Variants in MED28 observed in about 807,000 individuals in gnomAD.
The protein encoded by MED28 is mediator of RNA polymerase II transcription subunit 28.
MED28 carries 26 observed loss-of-function variants against 21.3 expected under a neutral mutation model. That is an observed-to-expected ratio of 1.22 (90% CI 0.89 to 1.69). The LOEUF (loss-of-function observed/expected upper bound fraction) is 1.69. Among genes scored for constraint, MED28 ranks in the 40% most tolerant of loss-of-function variants. The probability of loss-of-function intolerance (pLI) is 0.00; values close to 1 mark genes in which losing one functional copy is unlikely to be tolerated. For synonymous variants in MED28, 110 were observed against 87.6 expected (o/e 1.26, Z -1.43); for missense variants, 257 against 215.4 (o/e 1.19, Z -1.21).
At position 17,616,121 on chromosome 4, in the gene MED28, A is replaced by G. The variant is rs1234592423; in HGVS notation, c.159+1308A>G. On this transcript the variant is annotated intron_variant, in intron 1 of 3. Transcript: ENST00000237380. ...GATTACAGGCACCTGCCACCATGCT[A>G]TTTTTTTTATTTTTTAGTAGAGACA... Among the ~76,000 whole-genome samples the G allele has an allele frequency of 2.6e-5, 4 of 151,492 alleles. No individual in the cohort carries two copies. In the East Asian group the frequency reaches 5.9e-4, roughly 22 times the overall value.
chr4:17,630,563 T>A lies in MED28; in HGVS notation c.*6765T>A, dbSNP rs756027784. On this transcript the variant is annotated 3_prime_UTR_variant, in exon 4 of 4. Coordinates refer to ENST00000237380, the MANE Select transcript of MED28 (RefSeq NM_025205.5). ...ACATATTTCTATTGTTTATAAATTA[T>A]CCAGTATAAGTAAGATATTTTGTTA... 7 of 152,210 alleles carry A rather than the reference T, an allele frequency of 4.6e-5. No individual in the cohort carries two copies. The highest frequency in any genetic ancestry group is 8.8e-5 in the Non-Finnish European group (6 of 68,048). The allele number at this position is 152,210 out of a possible 1,614,324, so 9.4% of individuals were successfully genotyped here.
intron 2 of MED28, among the ~76,000 whole-genome samples, chr4:17,621,119 A>G (rs562343968): frequency 6.7e-6 from 1 of 149,894 alleles, no homozygotes; most frequent in Admixed American, 6.7e-5. Context: ...GGTTCAAGCG[A>G]TCCTTCTGCC....
chr4:17,633,412 T>G lies in MED28; in HGVS notation c.*9614T>G. The G allele has an allele frequency of 3.4e-6, 1 of 297,770 alleles. No individual in the cohort carries two copies. Among genetic ancestry groups the G allele is most frequent in the Non-Finnish European group, 6.1e-6 (1 of 162,818 alleles). The allele number at this position is 297,770 out of a possible 1,614,324, so 18.4% of individuals were successfully genotyped here. A position where few individuals can be genotyped will look rare whatever the true frequency, so the allele number is the denominator to read the frequency against. On this transcript the variant is annotated 3_prime_UTR_variant, in exon 4 of 4. Transcript: ENST00000237380. ...TATTATCTTAATTTTAAAGGCAAGG[T>G]ATATGGAGACCTGGAGAGGTCAAGT...
chr4:17,620,354 G>GTT (rs34093588), intron 2 of MED28, among the ~76,000 whole-genome samples: 61,922 of 141,070 alleles, frequency 0.44, 14,713 homozygotes, highest in East Asian at 0.87. Flanking sequence ...TATTTTACAT[G>GTT]TTTTTTTTTT....
Position 17,621,598 on chromosome 4 carries a change from T to C in MED28, c.238T>C (p.Cys80Arg), listed in dbSNP as rs993747424. 1.3e-6 allele frequency: 2 copies of C among 1,594,148 alleles called. No homozygotes were observed. The highest frequency in any genetic ancestry group is 3.5e-5 in the Admixed American group (2 of 56,822). ...QEEIRTGVDQ[C>R]IQKFLDIARQ... The stretch of plus-strand genomic sequence containing the variant: ...CCTTTTTTTTTAAGGTGTTGATCAG[T>C]GTATCCAGAAGTTTCTGGATATTGC... The change falls in exon 3 of 4, where the codon TGT becomes CGT. Residue 80 changes from cysteine to arginine, a missense_variant. Transcript: ENST00000237380.
chr4:17,615,245 CTT>C (rs1714415312), intron 1 of MED28, among the ~76,000 whole-genome samples: 1 of 152,188 alleles, frequency 6.6e-6, no homozygotes, highest in Non-Finnish European at 1.5e-5. Flanking sequence ...CGGAAATTGA[CTT>C]AAGTTACCAG....
intron 1 of MED28, among the ~76,000 whole-genome samples, chr4:17,617,255 TTTCC>T (rs1237173530): frequency 6.6e-6 from 1 of 152,230 alleles, no homozygotes; most frequent in Non-Finnish European, 1.5e-5. Flanking sequence ...ACTTTTCCTG[TTTCC>T]TTCCTTGTGT....
Position 17,633,817 on chromosome 4 carries a change from A to C in MED28, c.*10019A>C, listed in dbSNP as rs1715038243. On this transcript the variant is annotated 3_prime_UTR_variant, in exon 4 of 4. Coordinates refer to ENST00000237380, the MANE Select transcript of MED28 (RefSeq NM_025205.5). The stretch of plus-strand genomic sequence containing the variant: ...TCCTGGAACTCAGATCGCCACTCAG[A>C]AAGTTCTTTGCATAGGAGGCGAGGT... The C allele has an allele frequency of 1.9e-6, 3 of 1,551,634 alleles. No individual in the cohort carries two copies. The highest frequency in any genetic ancestry group is 1.4e-5 in the African/African-American group (1 of 73,176).
chr4:17,633,629 C>T lies in MED28; in HGVS notation c.*9831C>T. 2 of 1,353,516 alleles carry T rather than the reference C, an allele frequency of 1.5e-6. No individual in the cohort carries two copies. The highest frequency in any genetic ancestry group is 2.8e-5 in the East Asian group (1 of 35,518). The allele number at this position is 1,353,516 out of a possible 1,614,324, so 83.8% of individuals were successfully genotyped here. A position where few individuals can be genotyped will look rare whatever the true frequency, so the allele number is the denominator to read the frequency against. ...GTACCAGGTGCTAGAAAGAATCCTA[C>T]TTCCCCTCTTATCTACAGGGAAATA... On this transcript the variant is annotated 3_prime_UTR_variant, in exon 4 of 4. Coordinates refer to ENST00000237380, the MANE Select transcript of MED28 (RefSeq NM_025205.5).
chr4:17,614,831 C>T lies in MED28; in HGVS notation c.159+18C>T, dbSNP rs1200925380. The T allele has an allele frequency of 3.2e-6, 5 of 1,581,712 alleles. No homozygotes were observed. Among genetic ancestry groups the T allele is most frequent in the South Asian group, 1.1e-5 (1 of 88,236 alleles). On this transcript the variant is annotated intron_variant, in intron 1 of 3. Coordinates refer to ENST00000237380, the MANE Select transcript of MED28 (RefSeq NM_025205.5). Reference sequence around the variant, plus strand: ...CTTTCGAGGTAATATAAGACATGGGCGTCTTTGTCCCTAGCCTTCCCTTTT... The same window carrying T: ...CTTTCGAGGTAATATAAGACATGGGTGTCTTTGTCCCTAGCCTTCCCTTTT...
At position 17,632,500 on chromosome 4, in the gene MED28, A is replaced by G. The variant is rs747344480; in HGVS notation, c.*8702A>G. On this transcript the variant is annotated 3_prime_UTR_variant, in exon 4 of 4. Transcript: ENST00000237380. ...GATGATTTAAAATAAATGTTTTTCA[A>G]GTATCCTCTGTGATGTATCCCAAAG... 1.9e-5 allele frequency: 28 copies of G among 1,456,430 alleles called. No homozygotes were observed. The highest frequency in any genetic ancestry group is 2.5e-5 in the South Asian group (2 of 79,588). 90.2% of individuals were successfully genotyped at this position (1,456,430 alleles called of 1,614,324 possible).
chr4:17,614,896 G>C (rs1306283785), intron 1 of MED28, 83 bp downstream of exon 1: 4 of 1,450,958 alleles, frequency 2.8e-6, no homozygotes, highest in African/African-American at 1.4e-5. Flanking sequence ...TCTCCTCCAG[G>C]GATCCGAGCA....
chr4:17,622,680 T>C (rs1175868625), intron 3 of MED28, among the ~76,000 whole-genome samples: 1 of 152,174 alleles, frequency 6.6e-6, no homozygotes, highest in Non-Finnish European at 1.5e-5. Context: ...CAGGATGGGA[T>C]AGAGTCTGTA....
Position 17,629,813 on chromosome 4 carries a change from GTGT to G in MED28, c.*6017_*6019del, listed in dbSNP as rs1176919549. Reference sequence around the variant, plus strand: ...ATCAAATTGTATTTCTTTGTCAATAGTGTTAGGGCACAGTAGGTTCATTTACTG... The same window carrying G: ...ATCAAATTGTATTTCTTTGTCAATAGTAGGGCACAGTAGGTTCATTTACTG... On this transcript the variant is annotated 3_prime_UTR_variant, in exon 4 of 4. Transcript: ENST00000237380. 6.6e-6 allele frequency: 1 copy of G among 152,188 alleles called. No individual in the cohort carries two copies. Among genetic ancestry groups the G allele is most frequent in the Non-Finnish European group, 1.5e-5 (1 of 68,026 alleles). The allele number at this position is 152,188 out of a possible 1,614,324, so 9.4% of individuals were successfully genotyped here.
intron 1 of MED28, among the ~76,000 whole-genome samples, chr4:17,617,821 C>T (rs894401960): frequency 1.3e-5 from 2 of 151,856 alleles, no homozygotes; most frequent in South Asian, 2.1e-4. Context: ...GCAGGAGAAT[C>T]GCTGAAACCC....
At position 17,621,531 on chromosome 4, in the gene MED28, G is replaced by A. The variant is rs1049528246; in HGVS notation, c.227-56G>A. 3.5e-6 allele frequency: 4 copies of A among 1,157,384 alleles called. 1 individual carries two copies. Among genetic ancestry groups the A allele is most frequent in the Middle Eastern group, 5.6e-4 (2 of 3,556 alleles). The allele number at this position is 1,157,384 out of a possible 1,614,324, so 71.7% of individuals were successfully genotyped here. On this transcript the variant is annotated intron_variant, in intron 2 of 3. Coordinates refer to ENST00000237380, the MANE Select transcript of MED28 (RefSeq NM_025205.5). ...ATTCTGATTATTCATTTATGAGGGA[G>A]ATAAATGAGTCTGTTGTTTTTCTTA...
At position 17,633,836 on chromosome 4, in the gene MED28, G is replaced by T. The variant is rs1365123159; in HGVS notation, c.*10038G>T. On this transcript the variant is annotated 3_prime_UTR_variant, in exon 4 of 4. Transcript: ENST00000237380. ...ACTCAGAAAGTTCTTTGCATAGGAG[G>T]CGAGGTTCGGCACGCTGACCACGCG... 1 of 1,551,422 alleles carries T rather than the reference G, an allele frequency of 6.4e-7. No homozygotes were observed. Among genetic ancestry groups the T allele is most frequent in the Admixed American group, 2.0e-5 (1 of 50,966 alleles).
In MED28 at chr4:17,633,548, A is replaced by T; in HGVS notation, c.*9750A>T. 1.3e-6 allele frequency: 1 copy of T among 742,074 alleles called. No individual in the cohort carries two copies. Among genetic ancestry groups the T allele is most frequent in the Non-Finnish European group, 2.1e-6 (1 of 483,996 alleles). 46.0% of individuals were successfully genotyped at this position (742,074 alleles called of 1,614,324 possible). ...ATAACCCATGCTGAAGTTTTCAGGT[A>T]AGTGATTCAGTGTCCCTTGTCTAAT... is the stretch of plus-strand genomic sequence containing the variant. On this transcript the variant is annotated 3_prime_UTR_variant, in exon 4 of 4. Transcript: ENST00000237380.
At position 17,632,563 on chromosome 4, in the gene MED28, TG is replaced by T; in HGVS notation, c.*8767del. On this transcript the variant is annotated 3_prime_UTR_variant, in exon 4 of 4. Transcript: ENST00000237380. ...AGAAAAGTACTTGGTGAACCATTCC[TG>T]GTGCGGAGAGCCCTGTTTCTGCTGG... The T allele has an allele frequency of 6.4e-7, 1 of 1,551,500 alleles. No homozygotes were observed. Among genetic ancestry groups the T allele is most frequent in the Non-Finnish European group, 8.7e-7 (1 of 1,146,828 alleles).
Sources: allele counts gnomAD v4.1 joint callset (sites outside exome capture counted in the v4.1 genomes callset), GRCh38; gene constraint gnomAD v4.1.1; transcripts MANE v1.5; gene names NCBI Gene and HGNC (gene_info 2026-07-23, HGNC 2026-07-21).